The following PCDH9 variants were observed in gnomAD, a reference collection of about 807,000 sequenced individuals.
PCDH9 encodes protocadherin-9.
Under a neutral mutation model 70.6 loss-of-function variants are expected in PCDH9, and 24 were observed. The ratio of observed to expected loss-of-function variants is 0.34; its 90% confidence interval spans 0.25 to 0.48. The LOEUF (loss-of-function observed/expected upper bound fraction) is 0.48. PCDH9 is among the 20% of genes least tolerant of loss of function. The probability of loss-of-function intolerance (pLI) is 0.99; values close to 1 mark genes in which losing one functional copy is unlikely to be tolerated. For synonymous variants in PCDH9, 562 were observed against 558.5 expected (o/e 1.01, Z -0.09); for missense variants, 1,281 against 1,503.6 (o/e 0.85, Z 2.45).
intron 3 of PCDH9, among the ~76,000 whole-genome samples, chr13:66,684,588 G>A (rs2078374055): frequency 6.6e-6 from 1 of 152,072 alleles, no homozygotes; most frequent in Non-Finnish European, 1.5e-5. Context: ...TCTCCTTCCT[G>A]CCTTCACATG....
intron 3 of PCDH9, among the ~76,000 whole-genome samples, chr13:66,884,404 G>A (rs1198077106): frequency 6.6e-6 from 1 of 152,126 alleles, no homozygotes; most frequent in Non-Finnish European, 1.5e-5. Context: ...CTTAATTTGT[G>A]TGAGTGTAAT....
chr13:66,589,340 C>T (rs926065099), intron 4 of PCDH9, among the ~76,000 whole-genome samples: 1 of 151,836 alleles, frequency 6.6e-6, no homozygotes, highest in Non-Finnish European at 1.5e-5. Flanking sequence ...CTATAGGTAA[C>T]AAAAATACAT....
intron 2 of PCDH9, among the ~76,000 whole-genome samples, chr13:67,195,824 A>G (rs940087525): frequency 4.6e-5 from 7 of 152,190 alleles, no homozygotes; most frequent in African/African-American, 1.7e-4. Context: ...GACTCCATGT[A>G]TATGGGAACA....
At chr13:66,535,075 G>A (rs974995533) in intron 4 of PCDH9, among the ~76,000 whole-genome samples, 9 of 151,850 alleles carry the variant, frequency 5.9e-5, no homozygotes, top group African/African-American at 7.3e-5. Context: ...TATAAGTGGC[G>A]TGAATAGAAA....
chr13:66,680,714 A>G (rs2078307434), intron 3 of PCDH9, among the ~76,000 whole-genome samples: 1 of 151,936 alleles, frequency 6.6e-6, no homozygotes, highest in Non-Finnish European at 1.5e-5. Flanking sequence ...CCAATGAGCA[A>G]TAGTACACAA....
At chr13:66,507,875 C>T (rs534605618) in intron 4 of PCDH9, among the ~76,000 whole-genome samples, 1 of 152,210 alleles carries the variant, frequency 6.6e-6, no homozygotes, top group Admixed American at 6.5e-5. Context: ...GTGTGTGCCC[C>T]CACGCCCAGC....
intron 4 of PCDH9, among the ~76,000 whole-genome samples, chr13:66,612,859 G>A (rs567404364): frequency 1.3e-5 from 2 of 151,900 alleles, no homozygotes; most frequent in South Asian, 4.2e-4. Flanking sequence ...ATAACACCCT[G>A]TGTTACTCAC....
chr13:67,038,805 G>C (rs998013658), intron 2 of PCDH9, among the ~76,000 whole-genome samples: 2 of 152,118 alleles, frequency 1.3e-5, no homozygotes, highest in African/African-American at 4.8e-5. Flanking sequence ...ATAGTATTGG[G>C]TCTTTGCCCT....
chr13:66,697,282 C>T (rs1211183748), intron 3 of PCDH9, among the ~76,000 whole-genome samples: 2 of 151,830 alleles, frequency 1.3e-5, no homozygotes, highest in African/African-American at 2.4e-5. Flanking sequence ...TTATTTCTCC[C>T]CCCCCAAAAA....
chr13:66,951,063 T>G (rs2083171900), intron 2 of PCDH9, among the ~76,000 whole-genome samples: 1 of 152,210 alleles, frequency 6.6e-6, no homozygotes, highest in African/African-American at 2.4e-5. Context: ...TCTGGAAAGC[T>G]AAAGTATGTG....
At chr13:66,342,821 TATTTATTA>T (rs1956153847) in intron 4 of PCDH9, among the ~76,000 whole-genome samples, 1 of 150,768 alleles carries the variant, frequency 6.6e-6, no homozygotes, top group African/African-American at 2.4e-5. Context: ...TTTATTTATT[TATTTATTA>T]GAGATGAGTT....
At chr13:66,569,680 T>C (rs1221155169) in intron 4 of PCDH9, among the ~76,000 whole-genome samples, 2 of 152,180 alleles carry the variant, frequency 1.3e-5, no homozygotes, top group East Asian at 1.9e-4. Context: ...TTTCTATTTA[T>C]GAAGAATATT....
intron 2 of PCDH9, among the ~76,000 whole-genome samples, chr13:67,086,291 G>A (rs2086106341): frequency 6.6e-6 from 1 of 151,974 alleles, no homozygotes; most frequent in African/African-American, 2.4e-5. Context: ...CAACAATTTG[G>A]TTCAAATTTC....
chr13:66,738,411 T>A (rs542928006), intron 3 of PCDH9, among the ~76,000 whole-genome samples: 29 of 151,534 alleles, frequency 1.9e-4, no homozygotes, highest in Non-Finnish European at 3.5e-4. Context: ...ACAGAAAAAC[T>A]GGAAACTGTA....
chr13:66,683,703 T>C (rs1743004905), intron 3 of PCDH9, among the ~76,000 whole-genome samples: 1 of 152,206 alleles, frequency 6.6e-6, no homozygotes. Flanking sequence ...CAGGAAATTG[T>C]AGATCACAGG....
chr13:66,335,492 C>T lies in PCDH9; in HGVS notation c.3341-30464G>A, dbSNP rs143010060. Among the ~76,000 whole-genome samples, 66 of 152,190 alleles carry T rather than the reference C, an allele frequency of 4.3e-4. 2 individuals carry two copies. The East Asian group carries it at 0.012, about 28-fold the overall frequency. ...TAACATTTTTGCAGTACTTATATAC[C>T]AGGGACCATGCCAAATATCAGATAC... On this transcript the variant is annotated intron_variant, in intron 4 of 4. Transcript: ENST00000377865.
chr13:67,039,920 T>C (rs1446255781), intron 2 of PCDH9, among the ~76,000 whole-genome samples: 1 of 152,078 alleles, frequency 6.6e-6, no homozygotes, highest in Non-Finnish European at 1.5e-5. Context: ...CTCCGTGTAC[T>C]ATAAAAATCA....
At chr13:66,352,255 A>G (rs1321325818) in intron 4 of PCDH9, among the ~76,000 whole-genome samples, 3 of 152,154 alleles carry the variant, frequency 2.0e-5, no homozygotes, top group Non-Finnish European at 4.4e-5. Flanking sequence ...TTCCAACCAA[A>G]GATACCTCTT....
chr13:67,123,094 C>A (rs1471636362), intron 2 of PCDH9, among the ~76,000 whole-genome samples: 1 of 152,046 alleles, frequency 6.6e-6, no homozygotes, highest in Non-Finnish European at 1.5e-5. Context: ...TTGCTCAGTT[C>A]TTCCCTTCAA....
Sources: gnomAD v4.1 joint callset for allele counts (sites outside exome capture counted in the v4.1 genomes callset) on GRCh38, gnomAD v4.1.1 for gene constraint, MANE v1.5 for transcripts, NCBI Gene and HGNC (gene_info 2026-07-23, HGNC 2026-07-21) for gene names.